TAFA2: variants seen among roughly 807,000 people sequenced by gnomAD.
The protein encoded by TAFA2 is TAFA chemokine like family member 2, also known as chemokine-like protein TAFA-2.
TAFA2 carries 7 observed loss-of-function variants against 18.8 expected under a neutral mutation model. The observed-to-expected ratio is 0.37, with a 90% confidence interval of 0.21 to 0.70. The LOEUF (loss-of-function observed/expected upper bound fraction) is 0.70. Among genes scored for constraint, TAFA2 ranks in the 30% least tolerant of loss-of-function variants. The pLI is 0.53. For missense variants in TAFA2, 122 were observed against 158.1 expected, an observed-to-expected ratio of 0.77 and a Z score of 1.23; for synonymous variants, 60 against 54.2, an observed-to-expected ratio of 1.11 and a Z score of -0.47.
chr12:62,122,146 A>G (rs535165102), intron 1 of TAFA2, among the ~76,000 whole-genome samples: 1 of 152,326 alleles, frequency 6.6e-6, no homozygotes, highest in East Asian at 1.9e-4. Flanking sequence ...GGGTGATGAA[A>G]TAACCTGCAC....
chr12:62,164,881 T>C (rs2062428620), intron 1 of TAFA2, among the ~76,000 whole-genome samples: 1 of 152,070 alleles, frequency 6.6e-6, no homozygotes, highest in African/African-American at 2.4e-5. Context: ...GCTCCTAATT[T>C]AGTAGTGCAA....
rs549223468 is a variant in TAFA2, at chr12:62,158,412, C to T, written c.-2+32847G>A. Among the ~76,000 whole-genome samples, 5 of 152,168 alleles carry T rather than the reference C, an allele frequency of 3.3e-5. No homozygotes were observed. In the South Asian group the frequency reaches 1.0e-3, roughly 32 times the overall value. ...GTCTAAAAGGGAGAGAGTCTAAATA[C>T]CTAAAGAAAACAGCTAAACAGCTGA... On this transcript the variant is annotated intron_variant, in intron 1 of 4. Coordinates refer to ENST00000416284, the MANE Select transcript of TAFA2 (RefSeq NM_178539.5).
At chr12:61,782,104 G>T (rs1260123173) in intron 2 of TAFA2, among the ~76,000 whole-genome samples, 1 of 151,516 alleles carries the variant, frequency 6.6e-6, no homozygotes, top group Non-Finnish European at 1.5e-5. Flanking sequence ...GATCCCGAAG[G>T]TATAAAATAT....
intron 1 of TAFA2, among the ~76,000 whole-genome samples, chr12:62,238,540 A>G (rs11174388): frequency 0.31 from 47,097 of 152,106 alleles, 8,086 homozygotes; most frequent in African/African-American, 0.47. Flanking sequence ...TACAAATGAC[A>G]AATCTGAGGC....
chr12:62,167,407 C>T (rs2062447958), intron 1 of TAFA2, among the ~76,000 whole-genome samples: 2 of 152,250 alleles, frequency 1.3e-5, no homozygotes, highest in Non-Finnish European at 1.5e-5. Context: ...ATGTTACGTG[C>T]TTTTAGTAAT....
At chr12:61,777,366 C>T (rs1297952261) in intron 2 of TAFA2, among the ~76,000 whole-genome samples, 4 of 151,668 alleles carry the variant, frequency 2.6e-5, no homozygotes, top group African/African-American at 7.3e-5. Context: ...AAGCTCTTAA[C>T]ACTGTTTCTG....
chr12:61,738,300 C>CAA (rs1868340869), intron 4 of TAFA2, among the ~76,000 whole-genome samples: 1 of 139,376 alleles, frequency 7.2e-6, no homozygotes, highest in African/African-American at 2.5e-5. Context: ...AACACACACA[C>CAA]ACACACACAC....
chr12:62,185,818 G>A (rs1051450513), intron 1 of TAFA2, among the ~76,000 whole-genome samples: 2 of 152,124 alleles, frequency 1.3e-5, no homozygotes. Flanking sequence ...GTAAGGTCCT[G>A]GAAGGCCTGC....
intron 1 of TAFA2, among the ~76,000 whole-genome samples, chr12:62,065,007 G>A (rs937598751): frequency 6.6e-6 from 1 of 151,936 alleles, no homozygotes; most frequent in African/African-American, 2.4e-5. Flanking sequence ...GAAGTCTTGT[G>A]CATATACTAT....
chr12:61,840,260 T>C (rs76503703), intron 2 of TAFA2, among the ~76,000 whole-genome samples: 2,425 of 152,158 alleles, frequency 0.016, 23 homozygotes, highest in South Asian at 0.044. Flanking sequence ...TTCAAGTCTA[T>C]TTTTATATTA....
At chr12:61,961,102 A>G (rs1347297321) in intron 1 of TAFA2, among the ~76,000 whole-genome samples, 2 of 151,836 alleles carry the variant, frequency 1.3e-5, no homozygotes, top group African/African-American at 2.4e-5. Context: ...GCAGAAGGTG[A>G]AGGGAAAGTA....
intron 2 of TAFA2, among the ~76,000 whole-genome samples, chr12:61,771,030 T>C (rs577037584): frequency 6.6e-6 from 1 of 151,938 alleles, no homozygotes; most frequent in South Asian, 2.1e-4. Flanking sequence ...ACACATAAAC[T>C]TAAGGTAAAG....
intron 2 of TAFA2, among the ~76,000 whole-genome samples, chr12:61,860,219 T>A (rs187993295): frequency 3.5e-4 from 54 of 152,370 alleles, no homozygotes; most frequent in Non-Finnish European, 6.8e-4. Context: ...ACTTGATTTC[T>A]CTTCTGGGTA....
chr12:62,052,124 C>G (rs1882070262), intron 1 of TAFA2, among the ~76,000 whole-genome samples: 1 of 152,052 alleles, frequency 6.6e-6, no homozygotes, highest in African/African-American at 2.4e-5. Context: ...TCATGGGTGC[C>G]TCTGACATTT....
chr12:61,931,986 C>G (rs1429072260), intron 1 of TAFA2, among the ~76,000 whole-genome samples: 1 of 152,102 alleles, frequency 6.6e-6, no homozygotes, highest in Non-Finnish European at 1.5e-5. Context: ...TAAATTTCCC[C>G]CTTTGCCTCA....
Position 62,015,840 on chromosome 12 carries a change from G to C in TAFA2, c.-1-148414C>G, listed in dbSNP as rs143965555. ...GAGTTATAAAGCTGAGACATGAGTGGTCCAATTCATAAATGCAGAAAGTAG... is the reference window on the plus strand; with the variant it reads ...GAGTTATAAAGCTGAGACATGAGTGCTCCAATTCATAAATGCAGAAAGTAG... On this transcript the variant is annotated intron_variant, in intron 1 of 4. Transcript: ENST00000416284. Among the ~76,000 whole-genome samples, 377 of 152,252 alleles carry C rather than the reference G, an allele frequency of 2.5e-3. 1 individual carries two copies. The highest frequency in any genetic ancestry group is 8.2e-3 in the African/African-American group (341 of 41,540).
intron 1 of TAFA2, among the ~76,000 whole-genome samples, chr12:62,128,096 G>C (rs112759851): frequency 1.2e-3 from 178 of 152,068 alleles, no homozygotes; most frequent in African/African-American, 4.0e-3. Flanking sequence ...GACATGTTGC[G>C]ATTAAGGTGC....
At chr12:62,238,149 A>G (rs1316765376) in intron 1 of TAFA2, among the ~76,000 whole-genome samples, 1 of 152,098 alleles carries the variant, frequency 6.6e-6, no homozygotes, top group African/African-American at 2.4e-5. Context: ...GTCACTTTTT[A>G]TAGTGTGGAA....
chr12:62,038,816 C>T (rs1032454587), intron 1 of TAFA2, among the ~76,000 whole-genome samples: 6 of 152,236 alleles, frequency 3.9e-5, no homozygotes, highest in South Asian at 2.1e-4. Flanking sequence ...CCACTTTTTC[C>T]GCCAAGAGTA....
Sources: allele counts gnomAD v4.1 joint callset (sites outside exome capture counted in the v4.1 genomes callset), GRCh38; gene constraint gnomAD v4.1.1; transcripts MANE v1.5; gene names NCBI Gene and HGNC (gene_info 2026-07-23, HGNC 2026-07-21).